The following NT5DC1 variants were observed in gnomAD, a reference collection of about 807,000 sequenced individuals.
NT5DC1 encodes 5'-nucleotidase domain-containing protein 1.
NT5DC1 carries 42 observed loss-of-function variants against 59.4 expected under a neutral mutation model. The observed-to-expected ratio is 0.71, with a 90% CI of 0.55 to 0.92. The LOEUF (loss-of-function observed/expected upper bound fraction) is 0.92. Among genes scored for constraint, NT5DC1 ranks in the 40% least tolerant of loss-of-function variants. NT5DC1 has a pLI of 0.00. For missense variants in NT5DC1, 501 were observed against 537.1 expected (o/e 0.93, Z 0.66); for synonymous variants, 172 against 188.1 (o/e 0.91, Z 0.70).
chr6:116,103,744 CA>C (rs1778709820), intron 1 of NT5DC1, among the ~76,000 whole-genome samples: 1 of 152,058 alleles, frequency 6.6e-6, no homozygotes, highest in Non-Finnish European at 1.5e-5. Flanking sequence ...GTGTCCCCCT[CA>C]CATGAGGCCT....
intron 6 of NT5DC1, among the ~76,000 whole-genome samples, chr6:116,128,165 C>A (rs1779371573): frequency 6.6e-6 from 1 of 152,118 alleles, no homozygotes; most frequent in Non-Finnish European, 1.5e-5. Context: ...CTATACTCCC[C>A]TTTAGTTTTG....
chr6:116,242,281 C>T (rs577067541), intron 11 of NT5DC1, among the ~76,000 whole-genome samples: 18 of 151,748 alleles, frequency 1.2e-4, no homozygotes, highest in African/African-American at 3.1e-4. Context: ...GGCGTGAACC[C>T]GGGAGGCGGA....
At position 116,160,371 on chromosome 6, in the gene NT5DC1, T is replaced by A. The variant is rs117771745; in HGVS notation, c.529+42426T>A. 9.6e-3 allele frequency among the ~76,000 whole-genome samples: 1,458 copies of A among 152,346 alleles called. 12 individuals are homozygous for A. The highest frequency in any genetic ancestry group is 0.016 in the Non-Finnish European group (1,071 of 68,022). On this transcript the variant is annotated intron_variant, in intron 6 of 11. Coordinates refer to ENST00000319550, the MANE Select transcript of NT5DC1 (RefSeq NM_152729.3). ...TTTGCATTTCTCTGATGATTAGTGATGTTGAGCATTTTCCATATGTTTGTT... is the reference window on the plus strand; with the variant it reads ...TTTGCATTTCTCTGATGATTAGTGAAGTTGAGCATTTTCCATATGTTTGTT...
chr6:116,172,836 T>G (rs931568845), intron 6 of NT5DC1, among the ~76,000 whole-genome samples: 2 of 152,210 alleles, frequency 1.3e-5, no homozygotes, highest in Non-Finnish European at 1.5e-5. Context: ...TAGGAAAATC[T>G]ACTCTCCTTG....
intron 10 of NT5DC1, among the ~76,000 whole-genome samples, chr6:116,238,564 C>T (rs978459631): frequency 6.6e-6 from 1 of 150,912 alleles, no homozygotes; most frequent in Non-Finnish European, 1.5e-5. Context: ...ATAATAATTC[C>T]ATCCTCATTC....
At chr6:116,209,907 G>A (rs777933837) in intron 6 of NT5DC1, among the ~76,000 whole-genome samples, 5 of 151,824 alleles carry the variant, frequency 3.3e-5, no homozygotes, top group Non-Finnish European at 7.4e-5. Context: ...ACAGATAATG[G>A]TCATCAAATA....
intron 6 of NT5DC1, among the ~76,000 whole-genome samples, chr6:116,211,111 C>G (rs1051697597): frequency 6.6e-6 from 1 of 152,072 alleles, no homozygotes; most frequent in Non-Finnish European, 1.5e-5. Context: ...CCCACCGCCA[C>G]TTAAGAAGTC....
In NT5DC1 at chr6:116,175,934, C is replaced by T. The variant is rs575718810; in HGVS notation, c.530-45120C>T. On this transcript the variant is annotated intron_variant, in intron 6 of 11. Coordinates refer to ENST00000319550, the MANE Select transcript of NT5DC1 (RefSeq NM_152729.3). The stretch of plus-strand genomic sequence containing the variant: ...GTCTATTGATTAACTTGTCTTTTAG[C>T]GCTGGGTTGTTTGGGGGCTTCTTGT... 3.3e-5 allele frequency among the ~76,000 whole-genome samples: 5 copies of T among 152,140 alleles called. No individual in the cohort carries two copies. The South Asian group carries it at 6.2e-4, about 19-fold the overall frequency.
chr6:116,198,196 C>T (rs1161414810), intron 6 of NT5DC1, among the ~76,000 whole-genome samples: 1 of 152,022 alleles, frequency 6.6e-6, no homozygotes, highest in South Asian at 2.1e-4. Flanking sequence ...GAGTAGTGAA[C>T]AACAGTTTCT....
chr6:116,196,751 G>C (rs987329484), intron 6 of NT5DC1, among the ~76,000 whole-genome samples: 3 of 151,850 alleles, frequency 2.0e-5, no homozygotes, highest in African/African-American at 7.3e-5. Context: ...GCGGTGTTGG[G>C]AATGCTGGCT....
At chr6:116,130,572 C>T (rs1162213163) in intron 6 of NT5DC1, among the ~76,000 whole-genome samples, 1 of 152,070 alleles carries the variant, frequency 6.6e-6, no homozygotes, top group African/African-American at 2.4e-5. Flanking sequence ...GTCTGAGTGC[C>T]TGGATGTCTG....
intron 6 of NT5DC1, among the ~76,000 whole-genome samples, chr6:116,139,188 G>A (rs905201561): frequency 6.6e-6 from 1 of 152,100 alleles, no homozygotes; most frequent in African/African-American, 2.4e-5. Context: ...TAAGAGTTTT[G>A]GAGCCCATGG....
At position 116,106,248 on chromosome 6, in the gene NT5DC1, T is replaced by C; in HGVS notation, c.98T>C (p.Ile33Thr). ...RYNLPESAPL[I>T]YNSFAQFLVK... ...TTTTCTTCCCCTTATTTGCAGCTCA[T>C]TTATAATAGCTTTGCCCAGTTCCTA... The change falls in exon 2 of 12, where the codon ATT (isoleucine) becomes ACT (threonine). Residue 33 changes from isoleucine to threonine, a missense_variant. Ile to Thr is a moderately conservative substitution (Grantham distance 89). Coordinates refer to ENST00000319550, the MANE Select transcript of NT5DC1 (RefSeq NM_152729.3). 1 of 1,510,838 alleles carries C rather than the reference T, an allele frequency of 6.6e-7. No homozygotes were observed. The highest frequency in any genetic ancestry group is 9.2e-7 in the Non-Finnish European group (1 of 1,087,032). 93.6% of individuals were successfully genotyped at this position (1,510,838 alleles called of 1,614,324 possible). A position where few individuals can be genotyped will look rare whatever the true frequency, so the allele number is the denominator to read the frequency against.
At chr6:116,106,201 G>T in intron 1 of NT5DC1, 43 bp from the exon 2 acceptor site, 1 of 925,474 alleles carries the variant, frequency 1.1e-6, no homozygotes, top group Non-Finnish European at 1.8e-6. Flanking sequence ...AGAATGAATA[G>T]TGGGTGTTAT....
intron 6 of NT5DC1, among the ~76,000 whole-genome samples, chr6:116,130,680 A>G (rs1164419455): frequency 1.3e-5 from 2 of 151,998 alleles, no homozygotes; most frequent in African/African-American, 2.4e-5. Context: ...AAGATATATG[A>G]TAACATTTTA....
intron 6 of NT5DC1, among the ~76,000 whole-genome samples, chr6:116,159,753 GTAACT>G (rs1780285047): frequency 6.6e-6 from 1 of 152,180 alleles, no homozygotes; most frequent in Middle Eastern, 3.2e-3. Flanking sequence ...TACCAAGTAA[GTAACT>G]TTTCAACATG....
intron 6 of NT5DC1, chr6:116,121,699 G>GC (rs1367631238): frequency 6.2e-7 from 1 of 1,613,870 alleles, no homozygotes; most frequent in African/African-American, 1.3e-5. Flanking sequence ...GTCCTGGTGG[G>GC]CCCCGGGGTC....
intron 8 of NT5DC1, among the ~76,000 whole-genome samples, chr6:116,226,906 T>C (rs193219160): frequency 3.0e-4 from 46 of 152,278 alleles, no homozygotes; most frequent in African/African-American, 1.1e-3. Context: ...TTTTGATATA[T>C]ATATAGATTG....
chr6:116,208,534 A>G (rs1275579886), intron 6 of NT5DC1, among the ~76,000 whole-genome samples: 1 of 152,084 alleles, frequency 6.6e-6, no homozygotes, highest in African/African-American at 2.4e-5. Context: ...GTAAGGCTGT[A>G]CTTAGGCAAT....
Sources: gnomAD v4.1 joint callset for allele counts (sites outside exome capture counted in the v4.1 genomes callset) on GRCh38, gnomAD v4.1.1 for gene constraint, MANE v1.5 for transcripts, NCBI Gene and HGNC (gene_info 2026-07-23, HGNC 2026-07-21) for gene names.